Variants in NF1 observed in about 807,000 individuals in gnomAD.
The protein encoded by NF1 is neurofibromin.
A neutral mutation model predicts 325.7 loss-of-function variants in NF1; 122 were observed. The observed-to-expected ratio is 0.37, with a 90% confidence interval of 0.32 to 0.44. The LOEUF (loss-of-function observed/expected upper bound fraction) is 0.44. NF1 is among the 20% of genes least tolerant of loss of function. NF1 has a pLI of 1.00. For synonymous variants in NF1, 1,091 were observed against 1,186.0 expected (o/e 0.92, Z 1.65); for missense variants, 2,140 against 3,415.4 (o/e 0.63, Z 9.31).
rs2151601119 is a variant in NF1, at chr17:31,373,988, A to T, written c.8378-25A>T. 3 of 1,613,892 alleles carry T rather than the reference A, an allele frequency of 1.9e-6. No individual in the cohort carries two copies. The South Asian group carries it at 3.3e-5, about 18-fold the overall frequency. On this transcript the variant is annotated intron_variant, in intron 57 of 57. Transcript: ENST00000358273. Reference sequence around the variant, plus strand: ...CAGTCCTGGAAGGAAAAGAAGAAGTAACTGGCTGTTCTCTTTTTCTCCAGG... The same window carrying T: ...CAGTCCTGGAAGGAAAAGAAGAAGTTACTGGCTGTTCTCTTTTTCTCCAGG...
intron 29 of NF1, among the ~76,000 whole-genome samples, chr17:31,243,213 T>TG (rs57229549): frequency 0.038 from 5,734 of 150,852 alleles, 389 homozygotes; most frequent in African/African-American, 0.13. Context: ...TGTGTGTGTG[T>TG]TGAGCTGCCT....
At chr17:31,139,381 C>CAT (rs1474094140) in intron 1 of NF1, among the ~76,000 whole-genome samples, 1 of 146,774 alleles carries the variant, frequency 6.8e-6, no homozygotes, top group African/African-American at 2.6e-5. Flanking sequence ...CACAGACACA[C>CAT]ACACACACAC....
intron 36 of NF1, chr17:31,319,134 A>C (rs1277375283): frequency 1.8e-6 from 2 of 1,129,266 alleles, no homozygotes; most frequent in Non-Finnish European, 2.5e-6. Flanking sequence ...CTACAAGCTT[A>C]TGCCTAATAT....
At chr17:31,343,282 C>T (rs940288294) in intron 48 of NF1, 147 bp downstream of exon 48, 25 of 771,290 alleles carry the variant, frequency 3.2e-5, no homozygotes, top group African/African-American at 1.7e-5. Context: ...TGGTGGCTCA[C>T]GTCTGTAATA....
At chr17:31,246,895 G>A (rs1007895558) in intron 29 of NF1, among the ~76,000 whole-genome samples, 2 of 152,024 alleles carry the variant, frequency 1.3e-5, no homozygotes, top group Non-Finnish European at 2.9e-5. Flanking sequence ...AGGTGGTACT[G>A]ATAAGAGTTA....
intron 51 of NF1, among the ~76,000 whole-genome samples, chr17:31,354,818 T>C (rs1392301128): frequency 1.3e-5 from 2 of 151,808 alleles, no homozygotes; most frequent in Non-Finnish European, 2.9e-5. Flanking sequence ...TCAGACCCTG[T>C]CTCAAAAAAA....
intron 35 of NF1, 49 bp downstream of exon 35, chr17:31,261,906 G>A (rs772671379): frequency 1.2e-6 from 2 of 1,601,046 alleles, no homozygotes; most frequent in African/African-American, 2.7e-5. Context: ...TGGTTGAGAA[G>A]GAGAGTTTGC....
chr17:31,276,282 G>T (rs1236500214), intron 36 of NF1, among the ~76,000 whole-genome samples: 1 of 150,122 alleles, frequency 6.7e-6, no homozygotes, highest in African/African-American at 2.5e-5. Context: ...GTTTCTCCAT[G>T]TCGGAGGGCT....
intron 1 of NF1, among the ~76,000 whole-genome samples, chr17:31,132,500 G>A (rs911000856): frequency 3.9e-5 from 6 of 151,930 alleles, no homozygotes; most frequent in Non-Finnish European, 7.4e-5. Flanking sequence ...AGATCATGCC[G>A]CTGCATTCCA....
chr17:31,177,909 G>A (rs2066052995), intron 5 of NF1, among the ~76,000 whole-genome samples: 1 of 152,158 alleles, frequency 6.6e-6, no homozygotes, highest in Admixed American at 6.5e-5. Flanking sequence ...GTACCTGAAA[G>A]TGATGGGGAG....
chr17:31,373,821 C>T (rs1241465196), intron 57 of NF1, among the ~76,000 whole-genome samples, 192 bp from the exon 58 acceptor site: 1 of 152,180 alleles, frequency 6.6e-6, no homozygotes, highest in Non-Finnish European at 1.5e-5. Flanking sequence ...CAGGCTATAC[C>T]ATATAGCCTT....
intron 36 of NF1, among the ~76,000 whole-genome samples, chr17:31,277,137 T>C (rs1408571958): frequency 6.6e-6 from 1 of 152,206 alleles, no homozygotes; most frequent in African/African-American, 2.4e-5. Context: ...TCATCCTCTT[T>C]ATCTTCATGT....
chr17:31,312,604 A>T (rs2068907315), intron 36 of NF1, among the ~76,000 whole-genome samples: 1 of 152,050 alleles, frequency 6.6e-6, no homozygotes, highest in Admixed American at 6.5e-5. Flanking sequence ...ATGAAATATG[A>T]CAGTGAAAAA....
At chr17:31,262,043 T>C (rs1445048508) in intron 35 of NF1, among the ~76,000 whole-genome samples, 186 bp downstream of exon 35, 1 of 152,202 alleles carries the variant, frequency 6.6e-6, no homozygotes, top group Admixed American at 6.5e-5. Context: ...ATTTTATATA[T>C]TGATTGTCAT....
chr17:31,155,970 C>CTT lies in NF1; in HGVS notation c.61-5_61-4dup. On this transcript the variant is annotated splice_polypyrimidine_tract_variant and intron_variant, in intron 1 of 57. Coordinates refer to ENST00000358273, the MANE Select transcript of NF1 (RefSeq NM_001042492.3). ...TAAGCTGTTAACGTGTTTTTTTTTT[C>CTT]TTTTTTTTTCAGCTTCCAATAAAAA... 2 of 1,531,932 alleles carry CTT rather than the reference C, an allele frequency of 1.3e-6. No homozygotes were observed. The allele number at this position is 1,531,932 out of a possible 1,614,324, so 94.9% of individuals were successfully genotyped here.
intron 39 of NF1, among the ~76,000 whole-genome samples, chr17:31,334,182 G>A (rs1044952111): frequency 7.2e-6 from 1 of 138,850 alleles, no homozygotes; most frequent in Non-Finnish European, 1.6e-5. Context: ...CCAGCTACTC[G>A]GGAGGCTGAG....
rs953419597 is a variant in NF1, at chr17:31,308,016, C to A, written c.4836-17804C>A. 1.0e-5 allele frequency: 9 copies of A among 896,838 alleles called. 1 individual carries two copies. The South Asian group carries it at 1.3e-4, about 13-fold the overall frequency. 55.6% of individuals were successfully genotyped at this position (896,838 alleles called of 1,614,324 possible). A position where few individuals can be genotyped will look rare whatever the true frequency, so the allele number is the denominator to read the frequency against. Reference sequence around the variant, plus strand: ...TTTTCCCTATACGAATAATTCAAGCCTGAATTTTAAAACAGTTCTCCTTTG... The same window carrying A: ...TTTTCCCTATACGAATAATTCAAGCATGAATTTTAAAACAGTTCTCCTTTG... On this transcript the variant is annotated intron_variant, in intron 36 of 57. Coordinates refer to ENST00000358273, the MANE Select transcript of NF1 (RefSeq NM_001042492.3).
At position 31,158,998 on chromosome 17, in the gene NF1, C is replaced by G; in HGVS notation, c.205-12C>G. On this transcript the variant is annotated splice_polypyrimidine_tract_variant and intron_variant, in intron 2 of 57. Transcript: ENST00000358273. The stretch of plus-strand genomic sequence containing the variant: ...AAACTAACTTTTATGTTCTGAATAT[C>G]TTTTCTGTTAGAGAATATTTGGAGA... 6.7e-7 allele frequency: 1 copy of G among 1,503,394 alleles called. No homozygotes were observed. Among genetic ancestry groups the G allele is most frequent in the Non-Finnish European group, 9.3e-7 (1 of 1,079,566 alleles). The allele number at this position is 1,503,394 out of a possible 1,614,324, so 93.1% of individuals were successfully genotyped here. A position where few individuals can be genotyped will look rare whatever the true frequency, so the allele number is the denominator to read the frequency against.
chr17:31,237,686 T>A (rs1168507162), intron 29 of NF1, among the ~76,000 whole-genome samples: 1 of 143,120 alleles, frequency 7.0e-6, no homozygotes, highest in Non-Finnish European at 1.5e-5. Flanking sequence ...AATTTTCAAG[T>A]GTACATAATA....
Sources: allele counts gnomAD v4.1 joint callset (sites outside exome capture counted in the v4.1 genomes callset), GRCh38; gene constraint gnomAD v4.1.1; transcripts MANE v1.5; gene names NCBI Gene and HGNC (gene_info 2026-07-23, HGNC 2026-07-21).